Variants in OR4M1 observed in about 807,000 individuals in gnomAD.
OR4M1 encodes the protein olfactory receptor family 4 subfamily M member 1, also known as olfactory receptor 4M1.
In OR4M1, 7 loss-of-function variants were observed where a neutral mutation model predicts 9.8. That is an observed-to-expected ratio of 0.71 (90% CI 0.41 to 1.34). The LOEUF is 1.34. OR4M1 is among the 40% of genes most tolerant of loss of function. The pLI is 0.01. For synonymous variants in OR4M1, 121 were observed against 139.8 expected (o/e 0.87, Z 0.95); for missense variants, 331 against 380.4 (o/e 0.87, Z 1.08).
intron 1 of OR4M1, among the ~76,000 whole-genome samples, chr14:19,779,733 A>G (rs1203854167): frequency 2.6e-5 from 4 of 152,266 alleles, no homozygotes; most frequent in Non-Finnish European, 2.9e-5. Flanking sequence ...CCTGTTACCA[A>G]GGATTAAGCT....
intron 1 of OR4M1, among the ~76,000 whole-genome samples, chr14:19,776,064 C>T (rs1458579422): frequency 6.6e-6 from 1 of 152,174 alleles, no homozygotes; most frequent in Non-Finnish European, 1.5e-5. Flanking sequence ...ACTCCTTCCT[C>T]ACCATCCCAC....
chr14:19,774,303 T>C (rs1391349265), intron 1 of OR4M1, among the ~76,000 whole-genome samples: 3 of 152,076 alleles, frequency 2.0e-5, no homozygotes, highest in African/African-American at 7.2e-5. Context: ...AACAATTAGA[T>C]GTTGTGGTGT....
Position 19,780,410 on chromosome 14 carries a change from A to C in OR4M1, c.88A>C (p.Ile30Leu). 1 of 1,614,164 alleles carries C rather than the reference A, an allele frequency of 6.2e-7. No homozygotes were observed. The highest frequency in any genetic ancestry group is 8.5e-7 in the Non-Finnish European group (1 of 1,179,976). ...TREVQLVLFV[I>L]FLSFYLFILP... is the part of the protein sequence containing the mutation. ...GGAGGTCCAACTAGTCCTATTTGTTATATTTCTATCCTTCTATTTGTTCAT... is the reference window on the plus strand; with the variant it reads ...GGAGGTCCAACTAGTCCTATTTGTTCTATTTCTATCCTTCTATTTGTTCAT... The change falls in exon 2 of 2, where the codon ATA becomes CTA. Residue 30 changes from isoleucine (I) to leucine (L), a missense_variant. Physicochemically the swap from Ile to Leu is conservative, Grantham distance 5 (BLOSUM62 2). Coordinates refer to ENST00000641200, the MANE Select transcript of OR4M1 (RefSeq NM_001005500.2).
In OR4M1 at chr14:19,781,276, T is replaced by C. The variant is rs527595317; in HGVS notation, c.*12T>C. ...GTGAAGAGAAGTGAAAGATAAATTA[T>C]ACATTTTATAGTCCTCCTGAGGATC... On this transcript the variant is annotated 3_prime_UTR_variant, in exon 2 of 2. Transcript: ENST00000641200. 1.7e-5 allele frequency: 27 copies of C among 1,580,390 alleles called. No homozygotes were observed. Among genetic ancestry groups the C allele is most frequent in the South Asian group, 1.5e-4 (13 of 87,468 alleles).
Position 19,782,445 on chromosome 14 carries a change from T to TTTTTTAAA in OR4M1, c.*1185_*1192dup, listed in dbSNP as rs1878529204. On this transcript the variant is annotated 3_prime_UTR_variant, in exon 2 of 2. Coordinates refer to ENST00000641200, the MANE Select transcript of OR4M1 (RefSeq NM_001005500.2). ...TTGGGTGTATTAAGCTTTAGTCTTC[T>TTTTTTAAA]TTTTTAAATTTGATAATGTAATATG... is the stretch of plus-strand genomic sequence containing the variant. The TTTTTTAAA allele has an allele frequency of 6.6e-6, 1 of 152,268 alleles. No individual in the cohort carries two copies. The highest frequency in any genetic ancestry group is 6.5e-5 in the Admixed American group (1 of 15,284). The allele number at this position is 152,268 out of a possible 1,614,324, so 9.4% of individuals were successfully genotyped here.
At position 19,782,748 on chromosome 14, in the gene OR4M1, G is replaced by C. The variant is rs1464443374; in HGVS notation, c.*1484G>C. On this transcript the variant is annotated 3_prime_UTR_variant, in exon 2 of 2. Transcript: ENST00000641200. ...TAGGAACCCAAAGGCATGGATTGAT[G>C]TTATGAGTCCTGATTTTTGAGTTGA... The C allele has an allele frequency of 6.6e-6, 1 of 152,206 alleles. No individual in the cohort carries two copies. Among genetic ancestry groups the C allele is most frequent in the Non-Finnish European group, 1.5e-5 (1 of 68,042 alleles). The allele number at this position is 152,206 out of a possible 1,614,324, so 9.4% of individuals were successfully genotyped here.
chr14:19,780,259 A>C (rs989186014), intron 1 of OR4M1, 35 bp from the exon 2 acceptor site: 12 of 1,473,606 alleles, frequency 8.1e-6, no homozygotes, highest in Non-Finnish European at 1.1e-5. Flanking sequence ...GATAAATGCT[A>C]TGTGGACTAA....
intron 1 of OR4M1, among the ~76,000 whole-genome samples, chr14:19,778,711 G>A (rs142561231): frequency 3.7e-4 from 57 of 152,288 alleles, no homozygotes; most frequent in East Asian, 2.5e-3. Context: ...TACCTGTTGC[G>A]TTATTAGTTA....
At chr14:19,776,447 C>T (rs13379191) in intron 1 of OR4M1, among the ~76,000 whole-genome samples, 3 of 152,192 alleles carry the variant, frequency 2.0e-5, no homozygotes, top group African/African-American at 4.8e-5. Flanking sequence ...CCTCTAGGTA[C>T]TACGTCCCTG....
chr14:19,775,967 A>T (rs2815962), intron 1 of OR4M1, among the ~76,000 whole-genome samples: 150,255 of 152,146 alleles, frequency 0.99, 74,208 homozygotes, highest in East Asian at 1. Flanking sequence ...TAACTACATC[A>T]TGATATTTTC....
Position 19,781,371 on chromosome 14 carries a change from A to C in OR4M1, c.*107A>C, listed in dbSNP as rs1179370359. 4.8e-6 allele frequency: 5 copies of C among 1,042,458 alleles called. No homozygotes were observed. Among genetic ancestry groups the C allele is most frequent in the Non-Finnish European group, 6.8e-6 (5 of 735,432 alleles). 64.6% of individuals were successfully genotyped at this position (1,042,458 alleles called of 1,614,324 possible). ...ACTTCCTCCGTTCATTTGTGTTCTTAAAATTTTACTATAATTTTTCTCTAT... is the reference window on the plus strand; with the variant it reads ...ACTTCCTCCGTTCATTTGTGTTCTTCAAATTTTACTATAATTTTTCTCTAT... On this transcript the variant is annotated 3_prime_UTR_variant, in exon 2 of 2. Coordinates refer to ENST00000641200, the MANE Select transcript of OR4M1 (RefSeq NM_001005500.2).
chr14:19,777,007 CATATATATATATATATATATATATAT>C (rs71431978), intron 1 of OR4M1, among the ~76,000 whole-genome samples: 13 of 45,926 alleles, frequency 2.8e-4, no homozygotes, highest in East Asian at 7.7e-4. Flanking sequence ...TTGTTTAAGC[CATATATATATATATATATATATATAT>C]ATATATATAT....
chr14:19,780,708 C>G lies in OR4M1; in HGVS notation c.386C>G (p.Pro129Arg), dbSNP rs1340499119. The change falls in exon 2 of 2, where the codon CCC becomes CGC. Residue 129 changes from proline (P) to arginine (R), a missense_variant. Pro to Arg is a moderately radical substitution (Grantham distance 103, BLOSUM62 -2). Transcript: ENST00000641200. ...AYDRYAAICRPLHYATIMNRR... is the reference protein window; with the variant it reads ...AYDRYAAICRRLHYATIMNRR... ...GACCGCTATGCTGCTATCTGCCGAC[C>G]CCTCCACTATGCTACCATCATGAAT... 6 of 1,614,250 alleles carry G rather than the reference C, an allele frequency of 3.7e-6. No homozygotes were observed. In the African/African-American group the frequency reaches 5.3e-5, roughly 14 times the overall value.
rs1043140586 is a variant in OR4M1 at position 19,775,635 on chromosome 14, A to T, written c.-30+2042A>T. Among the ~76,000 whole-genome samples, 10 of 147,164 alleles carry T rather than the reference A, an allele frequency of 6.8e-5. No individual in the cohort carries two copies. In the Admixed American group the frequency reaches 6.8e-4, roughly 10 times the overall value. On this transcript the variant is annotated intron_variant, in intron 1 of 1. Transcript: ENST00000641200. ...ATATATAATTTATATTATATATAAAATATATTTTAATATACTTCAATATAT... is the reference window on the plus strand; with the variant it reads ...ATATATAATTTATATTATATATAAATTATATTTTAATATACTTCAATATAT...
intron 1 of OR4M1, among the ~76,000 whole-genome samples, chr14:19,776,424 T>C (rs1328080385): frequency 1.3e-5 from 2 of 152,228 alleles, no homozygotes; most frequent in Non-Finnish European, 2.9e-5. Context: ...CTCCTGGGTA[T>C]TTCCATAGTC....
rs1456032410 is a variant in OR4M1 at position 19,781,026 on chromosome 14, C to T, written c.704C>T (p.Thr235Ile). The T allele has an allele frequency of 3.1e-6, 5 of 1,614,222 alleles. No individual in the cohort carries two copies. The highest frequency in any genetic ancestry group is 1.6e-4 in the Middle Eastern group (1 of 6,062). ...LKKHSGSGEN[T>I]NRAMSTCYSH... ...AAACATTCAGGCTCAGGTGAGAATACCAACAGGGCCATGTCCACCTGCTAT... is the reference window on the plus strand; with the variant it reads ...AAACATTCAGGCTCAGGTGAGAATATCAACAGGGCCATGTCCACCTGCTAT... Residue 235 changes from threonine to isoleucine, a missense_variant, in exon 2 of 2, where the codon ACC (threonine) becomes ATC (isoleucine). Physicochemically the swap from Thr to Ile is moderately conservative, Grantham distance 89. Coordinates refer to ENST00000641200, the MANE Select transcript of OR4M1 (RefSeq NM_001005500.2).
chr14:19,775,752 A>G (rs1878292854), intron 1 of OR4M1, among the ~76,000 whole-genome samples: 1 of 147,674 alleles, frequency 6.8e-6, no homozygotes, highest in South Asian at 2.1e-4. Flanking sequence ...ATATTACTAT[A>G]TATTAATTTT....
rs1208843214 is a variant in OR4M1 at position 19,783,464 on chromosome 14, A to T, written c.*2200A>T. 1 of 152,400 alleles carries T rather than the reference A, an allele frequency of 6.6e-6. No homozygotes were observed. The highest frequency in any genetic ancestry group is 2.4e-5 in the African/African-American group (1 of 41,468). 9.4% of individuals were successfully genotyped at this position (152,400 alleles called of 1,614,324 possible). A position where few individuals can be genotyped will look rare whatever the true frequency, so the allele number is the denominator to read the frequency against. ...AACTCCATCAGGTTGAGAAACTCTG[A>T]CTTAAATAATGGGCAGGGATAAGGC... On this transcript the variant is annotated 3_prime_UTR_variant, in exon 2 of 2. Transcript: ENST00000641200.
chr14:19,779,516 T>C (rs912547634), intron 1 of OR4M1, among the ~76,000 whole-genome samples: 10 of 152,224 alleles, frequency 6.6e-5, no homozygotes, highest in Non-Finnish European at 1.5e-4. Flanking sequence ...ATTATTCCCA[T>C]TGTCACCTTG....
Sources: allele counts gnomAD v4.1 joint callset (sites outside exome capture counted in the v4.1 genomes callset), GRCh38; gene constraint gnomAD v4.1.1; transcripts MANE v1.5; gene names NCBI Gene and HGNC (gene_info 2026-07-23, HGNC 2026-07-21).